The following PARP3 variants were observed in gnomAD, a reference collection of about 807,000 sequenced individuals.
PARP3 encodes the protein poly(ADP-ribose) polymerase family member 3, also known as protein mono-ADP-ribosyltransferase PARP3.
Under a neutral mutation model 58.2 loss-of-function variants are expected in PARP3, and 46 were observed. That is an observed-to-expected ratio of 0.79 (90% CI 0.62 to 1.01). The LOEUF (loss-of-function observed/expected upper bound fraction) is 1.01, where lower values mean the gene tolerates loss of function less well. PARP3 is among the 50% of genes least tolerant of loss of function. PARP3 has a pLI of 0.00. For synonymous variants in PARP3, 252 were observed against 266.4 expected (o/e 0.95, Z 0.53); for missense variants, 663 against 683.9 (o/e 0.97, Z 0.34).
At chr3:51,948,176 G>A in intron 10 of PARP3, 135 bp from the exon 11 acceptor site, 1 of 922,530 alleles carries the variant, frequency 1.1e-6, no homozygotes, top group South Asian at 1.6e-5. Context: ...CCCCTGCAGT[G>A]GTTTGGAGGT....
chr3:51,948,303 C>T lies in PARP3; in HGVS notation c.1433-8C>T. ...CTGGGCCACCCTGGCCCTTGCTGTG[C>T]CCTGCAGATCCGACCCAGGACACTG... On this transcript the variant is annotated splice_polypyrimidine_tract_variant and splice_region_variant and intron_variant, in intron 10 of 10. Transcript: ENST00000398755. 6.2e-7 allele frequency: 1 copy of T among 1,611,736 alleles called. No homozygotes were observed. Among genetic ancestry groups the T allele is most frequent in the African/African-American group, 1.3e-5 (1 of 75,044 alleles).
rs750156231 is a variant in PARP3 at position 51,943,434 on chromosome 3, G to C, written c.79G>C (p.Asp27His). 1.2e-6 allele frequency: 2 copies of C among 1,606,996 alleles called. No individual in the cohort carries two copies. The highest frequency in any genetic ancestry group is 4.5e-5 in the East Asian group (2 of 44,628). Residue 27 changes from aspartate to histidine, a missense_variant, in exon 2 of 11, where the codon GAC (aspartate) becomes CAC (histidine). Asp to His is a moderately conservative substitution (Grantham distance 81, BLOSUM62 -1). This residue lies in a region of PARP3 where 567 missense variants were observed against 553.6 expected (regional missense o/e 1.02). Transcript: ENST00000398755. ...GGGCCGGCAGGCAGGAAGGGAGGAG[G>C]ACCCCTTCCGCTCCACCGCTGAGGC... ...KKGRQAGREE[D>H]PFRSTAEALK...
At chr3:51,947,469 G>C (rs1316021651) in intron 9 of PARP3, among the ~76,000 whole-genome samples, 3 of 152,196 alleles carry the variant, frequency 2.0e-5, no homozygotes, top group South Asian at 2.1e-4. Flanking sequence ...GAGCAGGCCA[G>C]GGAGAAAAGC....
At position 51,944,074 on chromosome 3, in the gene PARP3, T is replaced by A. The variant is rs1298190698; in HGVS notation, c.184-15T>A. 1 of 1,601,478 alleles carries A rather than the reference T, an allele frequency of 6.2e-7. No individual in the cohort carries two copies. Among genetic ancestry groups the A allele is most frequent in the African/African-American group, 1.4e-5 (1 of 73,128 alleles). ...GACCCCAGCCAGCCTGCCCCCCACCTCCCCTCTGGCCCAGGTGTATGAGGA... is the reference window on the plus strand; with the variant it reads ...GACCCCAGCCAGCCTGCCCCCCACCACCCCTCTGGCCCAGGTGTATGAGGA... On this transcript the variant is annotated splice_polypyrimidine_tract_variant and intron_variant, in intron 2 of 10. Transcript: ENST00000398755. This position sits in a 1 kb window ranked among gnomAD's most constrained non-coding sequence, Gnocchi z 4.2.
chr3:51,947,507 G>A, intron 9 of PARP3: 1 of 552,796 alleles, frequency 1.8e-6, no homozygotes, highest in Admixed American at 3.2e-5. Flanking sequence ...TCACTGGGAG[G>A]CCATTGCTGA....
rs749094633 is a variant in PARP3, at chr3:51,945,640, A to G, written c.1007A>G (p.Tyr336Cys). ...LQLLDSGAPE[Y>C]KVIQTYLEQT... is the part of the protein sequence containing the mutation. ...CTGCTAGACTCTGGAGCACCTGAGTACAAGGTGAGTTGGGCCCCACAGAGG... is the reference window on the plus strand; with the variant it reads ...CTGCTAGACTCTGGAGCACCTGAGTGCAAGGTGAGTTGGGCCCCACAGAGG... Residue 336 changes from tyrosine to cysteine, a missense_variant, in exon 7 of 11, where the codon TAC becomes TGC. Transcript: ENST00000398755. The G allele has an allele frequency of 3.7e-6, 6 of 1,613,780 alleles. No homozygotes were observed. The South Asian group carries it at 6.6e-5, about 18-fold the overall frequency.
Position 51,947,761 on chromosome 3 carries a change from C to G in PARP3, c.1298C>G (p.Ala433Gly). 1 of 1,614,086 alleles carries G rather than the reference C, an allele frequency of 6.2e-7. No homozygotes were observed. Among genetic ancestry groups the G allele is most frequent in the Non-Finnish European group, 8.5e-7 (1 of 1,179,970 alleles). Residue 433 changes from alanine to glycine, a missense_variant, in exon 10 of 11, where the codon GCC (alanine) becomes GGC (glycine). Ala to Gly is a moderately conservative substitution (Grantham distance 60, BLOSUM62 0). Transcript: ENST00000398755. The part of the protein sequence containing the change: ...AGYVIGMKCG[A>G]HHVGYMFLGE... ...GCAGTTATTGGCATGAAGTGTGGGG[C>G]CCACCATGTCGGCTACATGTTCCTG...
rs1372808176 is a variant in PARP3 at position 51,944,588 on chromosome 3, C to T, written c.501+10C>T. The T allele has an allele frequency of 3.1e-6, 5 of 1,613,072 alleles. No homozygotes were observed. Among genetic ancestry groups the T allele is most frequent in the Non-Finnish European group, 4.2e-6 (5 of 1,179,336 alleles). Reference sequence around the variant, plus strand: ...GGAAGCTGTGGTGAAGGTGAGATGGCCAAGGAAGGTGGGCAGGCCCTGGAC... The same window carrying T: ...GGAAGCTGTGGTGAAGGTGAGATGGTCAAGGAAGGTGGGCAGGCCCTGGAC... On this transcript the variant is annotated intron_variant, in intron 4 of 10. Coordinates refer to ENST00000398755, the MANE Select transcript of PARP3 (RefSeq NM_001003931.4). The surrounding 1 kb of genome is among the most constrained non-coding windows in gnomAD (Gnocchi z 4.2).
rs772362711 is a variant in PARP3, at chr3:51,944,994, C to G, written c.635-4C>G. 3.1e-6 allele frequency: 5 copies of G among 1,613,600 alleles called. No homozygotes were observed. In the South Asian group the frequency reaches 5.5e-5, roughly 18 times the overall value. ...TGAGTCTCCCCACTCCCCTGTCCCCCTAGATGTGAAGAAGATGCCCCTGGG... is the reference window on the plus strand; with the variant it reads ...TGAGTCTCCCCACTCCCCTGTCCCCGTAGATGTGAAGAAGATGCCCCTGGG... On this transcript the variant is annotated splice_region_variant and splice_polypyrimidine_tract_variant and intron_variant, in intron 5 of 10. Coordinates refer to ENST00000398755, the MANE Select transcript of PARP3 (RefSeq NM_001003931.4). The surrounding 1 kb of genome is among the most constrained non-coding windows in gnomAD (Gnocchi z 4.2).
In PARP3 at chr3:51,948,365, A is replaced by C; in HGVS notation, c.1487A>C (p.Gln496Pro). 1.2e-6 allele frequency: 2 copies of C among 1,613,996 alleles called. No homozygotes were observed. The highest frequency in any genetic ancestry group is 1.7e-6 in the Non-Finnish European group (2 of 1,179,874). Residue 496 changes from glutamine to proline, a missense_variant, in exon 11 of 11, where the codon CAG becomes CCG. By Grantham distance (76) the Gln-to-Pro change is moderately conservative. Around this residue, in one of 3 missense-constraint regions of PARP3, gnomAD observed 88 missense variants for 109.1 expected, o/e 0.81. Transcript: ENST00000398755. ...ELDGQQVVVPQGQPVPCPEFS... is the reference protein window; with the variant it reads ...ELDGQQVVVPPGQPVPCPEFS... ...GATGGCCAGCAAGTGGTGGTGCCCCAGGGCCAGCCTGTGCCCTGCCCAGAG... is the reference window on the plus strand; with the variant it reads ...GATGGCCAGCAAGTGGTGGTGCCCCCGGGCCAGCCTGTGCCCTGCCCAGAG...
In PARP3 at chr3:51,946,815, G is replaced by T. The variant is rs969900411; in HGVS notation, c.1276+472G>T. 6.6e-6 allele frequency among the ~76,000 whole-genome samples: 1 copy of T among 152,256 alleles called. No individual in the cohort carries two copies. The highest frequency in any genetic ancestry group is 2.4e-5 in the African/African-American group (1 of 41,462). The stretch of plus-strand genomic sequence containing the variant: ...GGATAGGCAGAGAGGCTGGGAGGAT[G>T]TGAGGATGTGGCAGGTCAGGGCTTC... On this transcript the variant is annotated intron_variant, in intron 9 of 10. Coordinates refer to ENST00000398755, the MANE Select transcript of PARP3 (RefSeq NM_001003931.4). The surrounding 1 kb of genome is among the most constrained non-coding windows in gnomAD (Gnocchi z 4.6).
chr3:51,944,636 A>C lies in PARP3; in HGVS notation c.501+58A>C. 6 of 1,592,352 alleles carry C rather than the reference A, an allele frequency of 3.8e-6. No individual in the cohort carries two copies. The highest frequency in any genetic ancestry group is 5.1e-6 in the Non-Finnish European group (6 of 1,165,508). Reference sequence around the variant, plus strand: ...GACTGAGGGAGGGGACTCGTTGGAGAGTTCCCGCTGGTTGGGCTCTGCCAC... The same window carrying C: ...GACTGAGGGAGGGGACTCGTTGGAGCGTTCCCGCTGGTTGGGCTCTGCCAC... On this transcript the variant is annotated intron_variant, in intron 4 of 10. Transcript: ENST00000398755. This position sits in a 1 kb window ranked among gnomAD's most constrained non-coding sequence, Gnocchi z 4.2.
rs1458746156 is a variant in PARP3 at position 51,947,867 on chromosome 3, T to C, written c.1404T>C (p.Ser468=). ...AGAGCCCACCTCCTGGCTTCGACAG[T>C]GTCATTGCCCGAGGCCACACCGAGC... is the stretch of plus-strand genomic sequence containing the variant. The part of the protein sequence containing the change: ...SLKSPPPGFD[S]VIARGHTEPD... The change falls in exon 10 of 11, where the codon AGT becomes AGC. Residue 468 remains serine (S), a synonymous_variant. Coordinates refer to ENST00000398755, the MANE Select transcript of PARP3 (RefSeq NM_001003931.4). 4.3e-6 allele frequency: 7 copies of C among 1,613,784 alleles called. No individual in the cohort carries two copies. Among genetic ancestry groups the C allele is most frequent in the African/African-American group, 1.3e-5 (1 of 74,830 alleles).
In PARP3 at chr3:51,945,148, C is replaced by T. The variant is rs79176238; in HGVS notation, c.785C>T (p.Pro262Leu). ...ELSSHFYTVIPHNFGHSQPPP... is the reference protein window; with the variant it reads ...ELSSHFYTVILHNFGHSQPPP... ...TCCTCACACTTTTACACCGTCATCC[C>T]GCACAACTTCGGCCACAGCCAGCCC... The change falls in exon 6 of 11, where the codon CCG becomes CTG. Residue 262 changes from proline to leucine, a missense_variant. Around this residue, in one of 3 missense-constraint regions of PARP3, gnomAD observed 567 missense variants for 553.6 expected, o/e 1.02. Coordinates refer to ENST00000398755, the MANE Select transcript of PARP3 (RefSeq NM_001003931.4). 4.2e-4 allele frequency: 680 copies of T among 1,614,094 alleles called. 4 individuals are homozygous for T. The African/African-American group carries it at 7.1e-3, about 17-fold the overall frequency.
chr3:51,944,373 A>G lies in PARP3; in HGVS notation c.313-17A>G. The G allele has an allele frequency of 6.2e-7, 1 of 1,613,262 alleles. No individual in the cohort carries two copies. On this transcript the variant is annotated splice_polypyrimidine_tract_variant and intron_variant, in intron 3 of 10. Coordinates refer to ENST00000398755, the MANE Select transcript of PARP3 (RefSeq NM_001003931.4). This position sits in a 1 kb window ranked among gnomAD's most constrained non-coding sequence, Gnocchi z 4.2. ...AATGCTGATGGTGGGCATACCCCTGAAGGCTGTCGGTTGCAGGGAGAGGTC... is the reference window on the plus strand; with the variant it reads ...AATGCTGATGGTGGGCATACCCCTGGAGGCTGTCGGTTGCAGGGAGAGGTC...
At position 51,943,949 on chromosome 3, in the gene PARP3, A is replaced by AC. The variant is rs528347567; in HGVS notation, c.184-133dup. The AC allele has an allele frequency of 3.2e-3, 2,074 of 643,056 alleles. 5 individuals carry two copies. Among genetic ancestry groups the AC allele is most frequent in the Non-Finnish European group, 4.2e-3 (1,621 of 386,296 alleles). 39.8% of individuals were successfully genotyped at this position (643,056 alleles called of 1,614,324 possible). On this transcript the variant is annotated intron_variant, in intron 2 of 10. Coordinates refer to ENST00000398755, the MANE Select transcript of PARP3 (RefSeq NM_001003931.4). ...CCGCATCCCCTAGGGAAGAGCAGTG[A>AC]CCCCCCCAAGCTTCCAAGACAGGGT... is the stretch of plus-strand genomic sequence containing the variant.
At chr3:51,945,274 C>T (rs1699649927) in intron 6 of PARP3, 50 bp downstream of exon 6, 2 of 1,563,806 alleles carry the variant, frequency 1.3e-6, no homozygotes, top group African/African-American at 1.4e-5. Flanking sequence ...GAACAGACAG[C>T]CTAGGCGAGC....
Position 51,942,486 on chromosome 3 carries a change from C to G in PARP3, c.-225C>G, listed in dbSNP as rs1407310697. The G allele has an allele frequency of 1.1e-5, 7 of 652,200 alleles. No individual in the cohort carries two copies. Among genetic ancestry groups the G allele is most frequent in the Non-Finnish European group, 2.0e-5 (7 of 354,432 alleles). The allele number at this position is 652,200 out of a possible 1,614,324, so 40.4% of individuals were successfully genotyped here. A position where few individuals can be genotyped will look rare whatever the true frequency, so the allele number is the denominator to read the frequency against. On this transcript the variant is annotated 5_prime_UTR_variant, in exon 1 of 11. Transcript: ENST00000398755. Reference sequence around the variant, plus strand: ...CCCGTCCGTGGGACTGGTCGCCTGACTCGGCCTGCCCCAGCCTCTGCTTCA... The same window carrying G: ...CCCGTCCGTGGGACTGGTCGCCTGAGTCGGCCTGCCCCAGCCTCTGCTTCA...
chr3:51,944,368 C>T lies in PARP3; in HGVS notation c.313-22C>T. ...CAGCAAATGCTGATGGTGGGCATAC[C>T]CCTGAAGGCTGTCGGTTGCAGGGAG... On this transcript the variant is annotated intron_variant, in intron 3 of 10. Transcript: ENST00000398755. The surrounding 1 kb of genome is among the most constrained non-coding windows in gnomAD (Gnocchi z 4.2). 1 of 1,613,026 alleles carries T rather than the reference C, an allele frequency of 6.2e-7. No homozygotes were observed. Among genetic ancestry groups the T allele is most frequent in the Non-Finnish European group, 8.5e-7 (1 of 1,179,650 alleles).
Sources: gnomAD v4.1 joint callset for allele counts (sites outside exome capture counted in the v4.1 genomes callset) on GRCh38, gnomAD v4.1.1 for gene constraint, gnomAD v4.1.1 regional missense constraint, Gnocchi (gnomAD v3.1) non-coding constraint, MANE v1.5 for transcripts, NCBI Gene and HGNC (gene_info 2026-07-23, HGNC 2026-07-21) for gene names.